The following CEP68 variants were observed in gnomAD, a reference collection of about 807,000 sequenced individuals.
CEP68 encodes centrosomal protein 68.
In CEP68, 26 loss-of-function variants were observed where a neutral mutation model predicts 55.3. The observed-to-expected ratio is 0.47, with a 90% CI of 0.34 to 0.65. The LOEUF (loss-of-function observed/expected upper bound fraction) is 0.65. Among genes scored for constraint, CEP68 ranks in the 30% least tolerant of loss-of-function variants. CEP68 has a pLI of 0.01. For missense variants in CEP68, 957 were observed against 946.7 expected, an observed-to-expected ratio of 1.01 and a Z score of -0.14; for synonymous variants, 402 against 383.2, an observed-to-expected ratio of 1.05 and a Z score of -0.57.
rs1359880259 is a variant in CEP68, at chr2:65,086,589, C to T, written c.*2955C>T. 2 of 152,150 alleles carry T rather than the reference C, an allele frequency of 1.3e-5. No individual in the cohort carries two copies. The highest frequency in any genetic ancestry group is 2.9e-5 in the Non-Finnish European group (2 of 68,022). The allele number at this position is 152,150 out of a possible 1,614,324, so 9.4% of individuals were successfully genotyped here. A position where few individuals can be genotyped will look rare whatever the true frequency, so the allele number is the denominator to read the frequency against. ...TTCATGTAATGTTTCCGCTAACTCACCAAGAATAAGCTGACAATTTAAACA... is the reference window on the plus strand; with the variant it reads ...TTCATGTAATGTTTCCGCTAACTCATCAAGAATAAGCTGACAATTTAAACA... On this transcript the variant is annotated 3_prime_UTR_variant, in exon 7 of 7. Coordinates refer to ENST00000377990, the MANE Select transcript of CEP68 (RefSeq NM_015147.3).
At position 65,085,149 on chromosome 2, in the gene CEP68, CATTT is replaced by C. The variant is rs1453316857; in HGVS notation, c.*1521_*1524del. ...TGAATAGCCCTTAGGAAATTAAACC[CATTT>C]ATTTACTAATATTTGACAGGCATAG... On this transcript the variant is annotated 3_prime_UTR_variant, in exon 7 of 7. Transcript: ENST00000377990. 1 of 152,066 alleles carries C rather than the reference CATTT, an allele frequency of 6.6e-6. No homozygotes were observed. The highest frequency in any genetic ancestry group is 2.4e-5 in the African/African-American group (1 of 41,402). 9.4% of individuals were successfully genotyped at this position (152,066 alleles called of 1,614,324 possible).
intron 3 of CEP68, 45 bp from the exon 4 acceptor site, chr2:65,074,237 C>T (rs1466374714): frequency 1.2e-6 from 2 of 1,605,588 alleles, no homozygotes. Context: ...ACATAAATAG[C>T]TGTTCGATCA....
Position 65,072,296 on chromosome 2 carries a change from C to T in CEP68, c.1200C>T (p.Thr400=). 6.2e-7 allele frequency: 1 copy of T among 1,614,070 alleles called. No individual in the cohort carries two copies. Among genetic ancestry groups the T allele is most frequent in the East Asian group, 2.2e-5 (1 of 44,860 alleles). Residue 400 remains threonine, a synonymous_variant, in exon 3 of 7, where the codon ACC becomes ACT. Coordinates refer to ENST00000377990, the MANE Select transcript of CEP68 (RefSeq NM_015147.3). ...CATCTTGGAGCCAACTTGCATCTAC[C>T]CCCAGAGCCCCAGGCAGTAGGGATG... is the stretch of plus-strand genomic sequence containing the variant. The part of the protein sequence containing the change: ...GLASWSQLAS[T]PRAPGSRDAR...
chr2:65,056,727 C>A (rs1675616462), intron 1 of CEP68, among the ~76,000 whole-genome samples, 199 bp downstream of exon 1: 1 of 152,092 alleles, frequency 6.6e-6, no homozygotes, highest in Non-Finnish European at 1.5e-5. Context: ...GCGGGGGCGC[C>A]TCGTGCCTTC....
Position 65,072,649 on chromosome 2 carries a change from C to T in CEP68, c.1553C>T (p.Pro518Leu), listed in dbSNP as rs1452332761. 6.2e-7 allele frequency: 1 copy of T among 1,614,144 alleles called. No homozygotes were observed. The highest frequency in any genetic ancestry group is 8.5e-7 in the Non-Finnish European group (1 of 1,180,010). Residue 518 changes from proline (P) to leucine (L), a missense_variant, in exon 3 of 7, where the codon CCC becomes CTC. Transcript: ENST00000377990. Reference protein sequence around the residue: ...LPTGDIKGQSPLEVSDSDGPA... With the variant: ...LPTGDIKGQSLLEVSDSDGPA... The stretch of plus-strand genomic sequence containing the variant: ...ACTGGGGATATCAAAGGGCAGAGCC[C>T]CTTGGAAGTGTCAGACAGTGATGGG...
In CEP68 at chr2:65,083,778, T is replaced by TCTC. The variant is rs1156562670; in HGVS notation, c.*149_*151dup. 6.6e-6 allele frequency: 1 copy of TCTC among 152,340 alleles called. No homozygotes were observed. Among genetic ancestry groups the TCTC allele is most frequent in the East Asian group, 1.9e-4 (1 of 5,194 alleles). 9.4% of individuals were successfully genotyped at this position (152,340 alleles called of 1,614,324 possible). On this transcript the variant is annotated 3_prime_UTR_variant, in exon 7 of 7. Transcript: ENST00000377990. Reference sequence around the variant, plus strand: ...CAATATACTAGCTTTAAAATGCCTTTCTCCTCCCTGAATGGAGGGCTGAGT... The same window carrying TCTC: ...CAATATACTAGCTTTAAAATGCCTTTCTCCTCCTCCCTGAATGGAGGGCTGAGT...
chr2:65,064,517 G>T (rs1011421618), intron 1 of CEP68, among the ~76,000 whole-genome samples: 1 of 152,078 alleles, frequency 6.6e-6, no homozygotes, highest in Non-Finnish European at 1.5e-5. Context: ...GGCAGATCAC[G>T]ATGTCAGGAG....
chr2:65,059,587 G>T (rs1383710211), intron 1 of CEP68, among the ~76,000 whole-genome samples: 1 of 152,148 alleles, frequency 6.6e-6, no homozygotes, highest in East Asian at 1.9e-4. Flanking sequence ...ATGTCCTGTT[G>T]CAAAGGCCTT....
intron 2 of CEP68, chr2:65,071,158 C>T: frequency 4.7e-6 from 2 of 424,708 alleles, no homozygotes; most frequent in East Asian, 4.5e-5. Context: ...TTTCCAGCTT[C>T]AGCATGACAG....
intron 4 of CEP68, among the ~76,000 whole-genome samples, chr2:65,077,622 C>T (rs566480771): frequency 6.6e-6 from 1 of 152,336 alleles, no homozygotes; most frequent in East Asian, 1.9e-4. Context: ...GAGCCAGCCT[C>T]TGTCAGGGAA....
chr2:65,064,691 G>A (rs772881169), intron 1 of CEP68, among the ~76,000 whole-genome samples: 9 of 146,862 alleles, frequency 6.1e-5, no homozygotes, highest in Non-Finnish European at 1.3e-4. Context: ...CTGAGATAGC[G>A]CCACTGCAGT....
intron 1 of CEP68, among the ~76,000 whole-genome samples, chr2:65,059,005 C>T (rs1291341627): frequency 6.6e-6 from 1 of 152,092 alleles, no homozygotes; most frequent in Non-Finnish European, 1.5e-5. Context: ...CTGAAATGGT[C>T]ATGTAAAATC....
chr2:65,059,332 G>T (rs945525461), intron 1 of CEP68, among the ~76,000 whole-genome samples: 2 of 152,174 alleles, frequency 1.3e-5, no homozygotes, highest in Non-Finnish European at 2.9e-5. Context: ...TTTCCTTGTA[G>T]CTGTAAGCTC....
rs138933485 is a variant in CEP68 at position 65,071,793 on chromosome 2, C to G, written c.697C>G (p.Pro233Ala). 498 of 1,609,532 alleles carry G rather than the reference C, an allele frequency of 3.1e-4. 1 individual carries two copies. The African/African-American group carries it at 6.0e-3, about 19-fold the overall frequency. ...CTCCTCCTCCCTGGAGCCGGTCGTC[C>G]CCCAGGAACCTTCCTCTGTGGTGGG... Reference protein sequence around the residue: ...KVSSSLEPVVPQEPSSVVGLG... With the variant: ...KVSSSLEPVVAQEPSSVVGLG... The change falls in exon 3 of 7, where the codon CCC becomes GCC. Residue 233 changes from proline to alanine, a missense_variant. By Grantham distance (27) the Pro-to-Ala change is conservative. Transcript: ENST00000377990.
In CEP68 at chr2:65,071,811, G is replaced by T; in HGVS notation, c.715G>T (p.Val239Leu). Residue 239 changes from valine to leucine, a missense_variant, in exon 3 of 7, where the codon GTG becomes TTG. Transcript: ENST00000377990. ...GGTCGTCCCCCAGGAACCTTCCTCT[G>T]TGGTGGGGCTAGGACCTCGGCCCCA... ...EPVVPQEPSS[V>L]VGLGPRPQWS... 2 of 1,607,442 alleles carry T rather than the reference G, an allele frequency of 1.2e-6. No homozygotes were observed. The highest frequency in any genetic ancestry group is 1.3e-5 in the African/African-American group (1 of 74,878).
At chr2:65,080,323 A>G in intron 5 of CEP68, 1 of 984,444 alleles carries the variant, frequency 1.0e-6, no homozygotes, top group Non-Finnish European at 1.2e-6. Flanking sequence ...TTCCCCATCC[A>G]TCTGCTTGAA....
At chr2:65,074,774 CTCA>C (rs745937050) in intron 4 of CEP68, 9 of 242,124 alleles carry the variant, frequency 3.7e-5, no homozygotes, top group Non-Finnish European at 5.8e-5. Flanking sequence ...ACCCCCCCCC[CTCA>C]AAAAAAAGTT....
intron 1 of CEP68, among the ~76,000 whole-genome samples, chr2:65,063,944 A>G (rs989935775): frequency 2.0e-5 from 3 of 150,506 alleles, no homozygotes; most frequent in African/African-American, 2.5e-5. Context: ...TTTCTTTCAC[A>G]TGTGTCTGTC....
At position 65,069,539 on chromosome 2, in the gene CEP68, A is replaced by AC. The variant is rs1381343180; in HGVS notation, c.96dup (p.Ile33HisfsTer16). On this transcript the variant is annotated frameshift_variant, in exon 2 of 7. Coordinates refer to ENST00000377990, the MANE Select transcript of CEP68 (RefSeq NM_015147.3). LOFTEE classifies it high-confidence loss of function. ...GGGAGCTGCAGGGAGCGGGAGCTGG[A>AC]CATCCCAGGGCCCATGAGTGGGGAG... The AC allele has an allele frequency of 1.2e-6, 2 of 1,601,912 alleles. No individual in the cohort carries two copies. The highest frequency in any genetic ancestry group is 2.7e-5 in the African/African-American group (2 of 74,738).
Sources: allele counts gnomAD v4.1 joint callset (sites outside exome capture counted in the v4.1 genomes callset), GRCh38; gene constraint gnomAD v4.1.1; transcripts MANE v1.5; gene names NCBI Gene and HGNC (gene_info 2026-07-23, HGNC 2026-07-21).